CARD10: variants seen among roughly 807,000 people sequenced by gnomAD.
CARD10 encodes the protein caspase recruitment domain family member 10.
CARD10 carries 49 observed loss-of-function variants against 114.6 expected under a neutral mutation model. The ratio of observed to expected loss-of-function variants is 0.43; its 90% CI spans 0.34 to 0.54. The LOEUF (loss-of-function observed/expected upper bound fraction) is 0.54, where lower values mean the gene tolerates loss of function less well. Ranked by LOEUF, CARD10 falls within the 20% of genes least tolerant of loss-of-function variation. CARD10 has a pLI of 0.03. For missense variants in CARD10, 1,206 were observed against 1,397.2 expected (o/e 0.86, Z 2.18); for synonymous variants, 602 against 593.2 (o/e 1.01, Z -0.21).
At chr22:37,494,061 T>C in intron 16 of CARD10, 25 bp downstream of exon 16, 4 of 1,490,070 alleles carry the variant, frequency 2.7e-6, no homozygotes, top group Non-Finnish European at 3.7e-6. Context: ...CAACACGGGA[T>C]ACAGCTTTGC....
chr22:37,512,746 G>T (rs1006999410), intron 3 of CARD10, among the ~76,000 whole-genome samples: 1 of 152,096 alleles, frequency 6.6e-6, no homozygotes, highest in Non-Finnish European at 1.5e-5. Flanking sequence ...CTGGCCAGCC[G>T]GCTTCCCTGA....
intron 2 of CARD10, among the ~76,000 whole-genome samples, chr22:37,517,365 CA>C (rs1336854897): frequency 6.6e-5 from 10 of 152,214 alleles, no homozygotes; most frequent in Admixed American, 4.6e-4. Flanking sequence ...CAGCTAGGCG[CA>C]GTGGCTCACG....
At chr22:37,505,143 G>A (rs1285948688) in intron 7 of CARD10, among the ~76,000 whole-genome samples, 1 of 152,130 alleles carries the variant, frequency 6.6e-6, no homozygotes, top group Non-Finnish European at 1.5e-5. Context: ...AGGCAGGACT[G>A]TGATGCATTC....
chr22:37,513,650 C>T (rs1018397536), intron 3 of CARD10, among the ~76,000 whole-genome samples: 4 of 152,088 alleles, frequency 2.6e-5, no homozygotes, highest in African/African-American at 9.7e-5. Flanking sequence ...GCCCTCACGC[C>T]GTCCTCTCTA....
At chr22:37,508,808 G>A (rs865985945) in intron 4 of CARD10, 126 bp from the exon 5 acceptor site, 6 of 1,255,538 alleles carry the variant, frequency 4.8e-6, no homozygotes, top group Non-Finnish European at 6.6e-6. Flanking sequence ...TGCTGGCCCG[G>A]GGCCTCGACC....
chr22:37,511,508 G>A (rs547253184), intron 3 of CARD10, among the ~76,000 whole-genome samples: 28 of 147,504 alleles, frequency 1.9e-4, no homozygotes, highest in Non-Finnish European at 3.6e-4. Context: ...GAGGAAAGAA[G>A]GAAGAAGGAA....
chr22:37,516,352 G>C (rs1273601207), intron 2 of CARD10, 54 bp from the exon 3 acceptor site: 1 of 1,303,620 alleles, frequency 7.7e-7, no homozygotes, highest in African/African-American at 1.5e-5. Flanking sequence ...TAAAATCCAG[G>C]AGATAACATA....
rs1247447961 is a variant in CARD10, at chr22:37,506,259, C to T, written c.1316G>A (p.Ser439Asn). ...CAGCAGAGCCTTGGTGCCCTCCAGG[C>T]TGGTGAGCGTTGTCAGCAGCTCATC... Reference protein sequence around the residue: ...ERDELLTTLTSLEGTKALLEV... With the variant: ...ERDELLTTLTNLEGTKALLEV... The change falls in exon 7 of 20, where the codon AGC becomes AAC. Residue 439 changes from serine (S) to asparagine (N), a missense_variant. Physicochemically the swap from Ser to Asn is conservative, Grantham distance 46. Around this residue, in one of 2 missense-constraint regions of CARD10, gnomAD observed 1,068 missense variants for 1,179.1 expected, o/e 0.91. Transcript: ENST00000251973. The T allele has an allele frequency of 1.9e-6, 3 of 1,609,510 alleles. No homozygotes were observed. In the South Asian group the frequency reaches 3.3e-5, roughly 18 times the overall value.
Position 37,504,199 on chromosome 22 carries a change from C to A in CARD10, c.1621G>T (p.Ala541Ser), listed in dbSNP as rs542339780. The A allele has an allele frequency of 6.4e-7, 1 of 1,561,538 alleles. No individual in the cohort carries two copies. Among genetic ancestry groups the A allele is most frequent in the Admixed American group, 1.9e-5 (1 of 52,668 alleles). Residue 541 changes from alanine to serine, a missense_variant, in exon 9 of 20, where the codon GCA becomes TCA. Physicochemically the swap from Ala to Ser is moderately conservative, Grantham distance 99. This residue lies in a region of CARD10 where 1,068 missense variants were observed against 1,179.1 expected (regional missense o/e 0.91). Transcript: ENST00000251973. ...CAGCCATCTCACCTCTTAGGGGGTG[C>A]GGGGTCTTCCTCACGCTGCCGGCGG... ...ILRRQREEDPAPPKRSFSSMS... is the reference protein window; with the variant it reads ...ILRRQREEDPSPPKRSFSSMS...
At chr22:37,495,635 A>G (rs755140125) in intron 14 of CARD10, 49 bp from the exon 15 acceptor site, 2 of 1,609,676 alleles carry the variant, frequency 1.2e-6, no homozygotes, top group South Asian at 1.1e-5. Context: ...AAAGCTCCTC[A>G]TTTCTCCTCG....
At position 37,508,495 on chromosome 22, in the gene CARD10, G is replaced by A. The variant is rs754455769; in HGVS notation, c.1065+32C>T. The A allele has an allele frequency of 1.3e-5, 21 of 1,557,368 alleles. No homozygotes were observed. The Admixed American group carries it at 1.4e-4, about 11-fold the overall frequency. ...CACAGGCCCTGCCTGACACCCTCCC[G>A]CACAAGGGGCAGGGCACGGGCAGGG... On this transcript the variant is annotated intron_variant, in intron 5 of 19. Transcript: ENST00000251973.
Position 37,496,408 on chromosome 22 carries a change from C to A in CARD10, c.2059+41G>T. ...CCCCATGCACCACGGGTTAGAGGAC[C>A]CCTCTGGGGCCAACAGCTCCGACTC... On this transcript the variant is annotated intron_variant, in intron 13 of 19. Transcript: ENST00000251973. This position sits in a 1 kb window ranked among gnomAD's most constrained non-coding sequence, Gnocchi z 4.1. 6.9e-7 allele frequency: 1 copy of A among 1,449,626 alleles called. No homozygotes were observed. The highest frequency in any genetic ancestry group is 9.6e-7 in the Non-Finnish European group (1 of 1,037,354). 89.8% of individuals were successfully genotyped at this position (1,449,626 alleles called of 1,614,324 possible).
At chr22:37,495,107 C>T (rs940799742) in intron 15 of CARD10, among the ~76,000 whole-genome samples, 1 of 152,192 alleles carries the variant, frequency 6.6e-6, no homozygotes, top group Non-Finnish European at 1.5e-5. Flanking sequence ...AGACTACAGG[C>T]ACCCGCCACC....
chr22:37,502,700 G>A lies in CARD10; in HGVS notation c.1689C>T (p.Ser563=), dbSNP rs1355148157. 2 of 1,613,624 alleles carry A rather than the reference G, an allele frequency of 1.2e-6. No individual in the cohort carries two copies. The highest frequency in any genetic ancestry group is 1.7e-5 in the Admixed American group (1 of 59,990). Residue 563 remains serine (S), a synonymous_variant, in exon 11 of 20, where the codon TCC becomes TCT. Coordinates refer to ENST00000251973, the MANE Select transcript of CARD10 (RefSeq NM_014550.4). ...AGGATGAGGACGAAGAGAGGCCAGG[G>A]GACCAGGGCTTAAGTGTCACACTCC... is the stretch of plus-strand genomic sequence containing the variant. ...ITGSVTLKPW[S]PGLSSSSSSD...
At chr22:37,515,187 T>C (rs541953236) in intron 3 of CARD10, among the ~76,000 whole-genome samples, 10 of 152,348 alleles carry the variant, frequency 6.6e-5, no homozygotes, top group African/African-American at 2.4e-4. Context: ...TATGTGTCTC[T>C]TGATAATAAT....
At chr22:37,513,929 T>C (rs1270958776) in intron 3 of CARD10, among the ~76,000 whole-genome samples, 2 of 149,320 alleles carry the variant, frequency 1.3e-5, no homozygotes, top group Non-Finnish European at 3.0e-5. Context: ...TGAAACCCCA[T>C]CTCTACTAAA....
chr22:37,519,116 C>A lies in CARD10; in HGVS notation c.85G>T (p.Glu29Ter). The A allele has an allele frequency of 6.3e-7, 1 of 1,581,200 alleles. No individual in the cohort carries two copies. The highest frequency in any genetic ancestry group is 1.1e-5 in the South Asian group (1 of 88,160). ...CGATGCCGGACGCCCTCGATTCGCT[C>A]CCACAGCGCGTCCTCCTCCGCCTCA... is the stretch of plus-strand genomic sequence containing the variant. ...GSEAEEDALW[E>*]RIEGVRHRLA... Residue 29 changes from glutamate (E) to a stop codon, truncating the protein, a stop_gained, in exon 1 of 20, where the codon GAG becomes TAG. Transcript: ENST00000251973. LOFTEE classifies it high-confidence loss of function. This position sits in a 1 kb window ranked among gnomAD's most constrained non-coding sequence, Gnocchi z 4.1.
At chr22:37,511,144 G>T (rs940012155) in intron 3 of CARD10, among the ~76,000 whole-genome samples, 26 of 150,984 alleles carry the variant, frequency 1.7e-4, no homozygotes, top group African/African-American at 6.3e-4. Flanking sequence ...GGCCGAGGCG[G>T]GCAGATGGAG....
chr22:37,503,089 G>A, intron 10 of CARD10, 96 bp downstream of exon 10: 1 of 1,352,146 alleles, frequency 7.4e-7, no homozygotes, highest in Non-Finnish European at 1.0e-6. Flanking sequence ...GGGGATGCAG[G>A]CCAAAGGTAG....
Sources: allele counts gnomAD v4.1 joint callset (sites outside exome capture counted in the v4.1 genomes callset), GRCh38; gene constraint gnomAD v4.1.1; regional missense constraint gnomAD v4.1.1; non-coding constraint Gnocchi (gnomAD v3.1); transcripts MANE v1.5; gene names NCBI Gene and HGNC (gene_info 2026-07-23, HGNC 2026-07-21).